The following NUBPL variants were observed in gnomAD, a reference collection of about 807,000 sequenced individuals.
NUBPL encodes iron-sulfur cluster transfer protein NUBPL.
A neutral mutation model predicts 45.7 loss-of-function variants in NUBPL; 31 were observed. That is an observed-to-expected ratio of 0.68 (90% CI 0.51 to 0.92). The LOEUF (loss-of-function observed/expected upper bound fraction) is 0.92, where lower values mean the gene tolerates loss of function less well. Among genes scored for constraint, NUBPL ranks in the 40% least tolerant of loss-of-function variants. NUBPL has a pLI of 0.00. For synonymous variants in NUBPL, 144 were observed against 140.9 expected (o/e 1.02, Z -0.15); for missense variants, 401 against 398.7 (o/e 1.01, Z -0.05).
chr14:31,628,394 T>C (rs938228569), intron 4 of NUBPL, among the ~76,000 whole-genome samples: 1 of 152,192 alleles, frequency 6.6e-6, no homozygotes, highest in Non-Finnish European at 1.5e-5. Context: ...TTATATAAAA[T>C]ATATTTTAAA....
chr14:31,561,629 G>T (rs1215852537), intron 1 of NUBPL, 82 bp downstream of exon 1: 7 of 949,746 alleles, frequency 7.4e-6, no homozygotes, highest in Non-Finnish European at 4.3e-6. Flanking sequence ...ATTGCTTCTT[G>T]CCAAAGACTC....
At chr14:31,652,900 G>A (rs1007071895) in intron 4 of NUBPL, among the ~76,000 whole-genome samples, 2 of 152,120 alleles carry the variant, frequency 1.3e-5, no homozygotes, top group Non-Finnish European at 2.9e-5. Context: ...CAGCCGGTCT[G>A]AGAAATAAAG....
intron 6 of NUBPL, among the ~76,000 whole-genome samples, chr14:31,736,843 T>C (rs966054198): frequency 2.0e-5 from 3 of 152,216 alleles, no homozygotes; most frequent in African/African-American, 7.2e-5. Flanking sequence ...CCAGTTGTTC[T>C]ACATCCTTAT....
In NUBPL at chr14:31,726,418, G is replaced by A. The variant is rs564670195; in HGVS notation, c.513+52844G>A. 4.6e-5 allele frequency among the ~76,000 whole-genome samples: 7 copies of A among 152,240 alleles called. No homozygotes were observed. The South Asian group carries it at 1.4e-3, about 32-fold the overall frequency. On this transcript the variant is annotated intron_variant, in intron 6 of 10. Coordinates refer to ENST00000281081, the MANE Select transcript of NUBPL (RefSeq NM_025152.3). Reference sequence around the variant, plus strand: ...GAAAACTACTGGGAAGGTTATTTTGGCTCATAAAAATAAATATATTTCAAA... The same window carrying A: ...GAAAACTACTGGGAAGGTTATTTTGACTCATAAAAATAAATATATTTCAAA...
chr14:31,820,139 C>CAAAAAAAA (rs59044182), intron 7 of NUBPL, among the ~76,000 whole-genome samples: 1 of 111,584 alleles, frequency 9.0e-6, no homozygotes, highest in African/African-American at 3.6e-5. Context: ...GACTCCATCT[C>CAAAAAAAA]AAAAAAAAAA....
intron 6 of NUBPL, among the ~76,000 whole-genome samples, chr14:31,761,415 A>G (rs1038597250): frequency 6.6e-6 from 1 of 152,214 alleles, no homozygotes; most frequent in Non-Finnish European, 1.5e-5. Context: ...TATATCCTGT[A>G]TAGACTCAAG....
chr14:31,576,626 T>A (rs1161277076), intron 3 of NUBPL, among the ~76,000 whole-genome samples: 1 of 152,146 alleles, frequency 6.6e-6, no homozygotes, highest in Non-Finnish European at 1.5e-5. Flanking sequence ...TGCTCCAGGC[T>A]CTCTATATGG....
At chr14:31,839,241 A>G (rs2040331372) in intron 8 of NUBPL, among the ~76,000 whole-genome samples, 1 of 152,196 alleles carries the variant, frequency 6.6e-6, no homozygotes, top group African/African-American at 2.4e-5. Flanking sequence ...TAGCTCAATG[A>G]ATTTTTACAA....
chr14:31,635,090 T>G (rs2035453391), intron 4 of NUBPL, among the ~76,000 whole-genome samples: 2 of 147,828 alleles, frequency 1.4e-5, no homozygotes, highest in South Asian at 4.3e-4. Flanking sequence ...GCTCTTTAGT[T>G]TAATTAGATC....
chr14:31,604,273 T>C (rs1200250137), intron 4 of NUBPL, among the ~76,000 whole-genome samples: 2 of 151,950 alleles, frequency 1.3e-5, no homozygotes, highest in Admixed American at 6.6e-5. Flanking sequence ...CTTAAAAGAA[T>C]GTGGAATCTT....
chr14:31,654,965 G>A (rs1160421167), intron 4 of NUBPL, among the ~76,000 whole-genome samples: 1 of 152,100 alleles, frequency 6.6e-6, no homozygotes, highest in African/African-American at 2.4e-5. Context: ...TCTCAAGAAA[G>A]TACTTTCTTT....
intron 4 of NUBPL, among the ~76,000 whole-genome samples, chr14:31,657,421 T>C (rs77743781): frequency 0.035 from 5,310 of 152,312 alleles, 300 homozygotes; most frequent in African/African-American, 0.12. Context: ...TATATTATCT[T>C]TCAAAACAAA....
intron 6 of NUBPL, among the ~76,000 whole-genome samples, chr14:31,749,285 T>G (rs914281120): frequency 1.3e-5 from 2 of 152,206 alleles, no homozygotes; most frequent in Admixed American, 1.3e-4. Flanking sequence ...CAGCTGTGTA[T>G]CTGTTCTACC....
intron 7 of NUBPL, among the ~76,000 whole-genome samples, chr14:31,809,154 C>G (rs1261515210): frequency 6.6e-6 from 1 of 152,158 alleles, no homozygotes; most frequent in Non-Finnish European, 1.5e-5. Flanking sequence ...GGAGGATTCC[C>G]TCTTTTTCTT....
In NUBPL at chr14:31,698,872, T is replaced by A. The variant is rs981111687; in HGVS notation, c.513+25298T>A. Among the ~76,000 whole-genome samples the A allele has an allele frequency of 5.9e-5, 9 of 151,752 alleles. 1 individual carries two copies. The highest frequency in any genetic ancestry group is 2.2e-4 in the African/African-American group (9 of 41,398). On this transcript the variant is annotated intron_variant, in intron 6 of 10. Coordinates refer to ENST00000281081, the MANE Select transcript of NUBPL (RefSeq NM_025152.3). Reference sequence around the variant, plus strand: ...TGACTTACACTTTTTTTTTTTTTTTTAAGACAGAGTCTCGCTTTGTCACCC... The same window carrying A: ...TGACTTACACTTTTTTTTTTTTTTTAAAGACAGAGTCTCGCTTTGTCACCC...
intron 7 of NUBPL, among the ~76,000 whole-genome samples, chr14:31,816,523 A>G (rs1254060222): frequency 6.6e-6 from 1 of 150,454 alleles, no homozygotes; most frequent in South Asian, 2.1e-4. Flanking sequence ...TCTTGTCTCT[A>G]TCTCCTTCAG....
intron 6 of NUBPL, among the ~76,000 whole-genome samples, chr14:31,745,231 G>T (rs1379803282): frequency 6.6e-6 from 1 of 151,900 alleles, no homozygotes; most frequent in Non-Finnish European, 1.5e-5. Flanking sequence ...GCCCTGGTGT[G>T]TGATGTTCCC....
rs140351017 is a variant in NUBPL, at chr14:31,686,673, A to T, written c.513+13099A>T. 3.1e-3 allele frequency: 467 copies of T among 152,316 alleles called. 4 individuals are homozygous for T. The highest frequency in any genetic ancestry group is 0.011 in the African/African-American group (438 of 41,570). 9.4% of individuals were successfully genotyped at this position (152,316 alleles called of 1,614,324 possible). ...GCCTTTTCTCCATATCCTCGCCAGC[A>T]TTTGCTATTGCTTTTCATAACAACA... On this transcript the variant is annotated intron_variant, in intron 6 of 10. Transcript: ENST00000281081.
At chr14:31,656,356 T>G (rs531674733) in intron 4 of NUBPL, among the ~76,000 whole-genome samples, 2 of 152,322 alleles carry the variant, frequency 1.3e-5, no homozygotes, top group African/African-American at 4.8e-5. Flanking sequence ...ACAAGAACTT[T>G]TCCTTTGCAT....
Sources: allele counts gnomAD v4.1 joint callset (sites outside exome capture counted in the v4.1 genomes callset), GRCh38; gene constraint gnomAD v4.1.1; transcripts MANE v1.5; gene names NCBI Gene and HGNC (gene_info 2026-07-23, HGNC 2026-07-21).